Variants in KIF13B observed in about 807,000 individuals in gnomAD.
KIF13B encodes the protein kinesin-like protein KIF13B.
A neutral mutation model predicts 222.0 loss-of-function variants in KIF13B; 127 were observed. That is an observed-to-expected ratio of 0.57 (90% CI 0.50 to 0.66). KIF13B has a LOEUF of 0.66. Among genes scored for constraint, KIF13B ranks in the 30% least tolerant of loss-of-function variants. The probability of loss-of-function intolerance (pLI) is 0.00; values close to 1 mark genes in which losing one functional copy is unlikely to be tolerated. For missense variants in KIF13B, 2,173 were observed against 2,379.0 expected, an observed-to-expected ratio of 0.91 and a Z score of 1.80; for synonymous variants, 976 against 919.0, an observed-to-expected ratio of 1.06 and a Z score of -1.12.
intron 2 of KIF13B, among the ~76,000 whole-genome samples, chr8:29,228,472 A>AAAAAAAAAAATATATATATATATATATAT: frequency 8.5e-6 from 1 of 117,082 alleles, no homozygotes; most frequent in African/African-American, 3.3e-5. Flanking sequence ...ATCTTAAAAA[A>AAAAAAAAAAATATATATATATATATATAT]ATATATATAT....
intron 1 of KIF13B, among the ~76,000 whole-genome samples, chr8:29,257,966 A>C (rs1400291826): frequency 6.6e-6 from 1 of 152,244 alleles, no homozygotes; most frequent in African/African-American, 2.4e-5. Context: ...CAGTAGAAAC[A>C]AAACAATGTT....
At chr8:29,154,506 T>C (rs1237863570) in intron 14 of KIF13B, among the ~76,000 whole-genome samples, 4 of 152,182 alleles carry the variant, frequency 2.6e-5, no homozygotes, top group Non-Finnish European at 4.4e-5. Flanking sequence ...GTTCCACATA[T>C]GCTGGGTACT....
chr8:29,226,539 C>T, intron 2 of KIF13B, among the ~76,000 whole-genome samples: 1 of 152,142 alleles, frequency 6.6e-6, no homozygotes, highest in East Asian at 1.9e-4. Context: ...CAGACACTCA[C>T]CCATCCAACC....
intron 2 of KIF13B, among the ~76,000 whole-genome samples, chr8:29,206,304 T>C (rs1234035958): frequency 1.3e-5 from 2 of 152,208 alleles, no homozygotes; most frequent in African/African-American, 2.4e-5. Flanking sequence ...TTGAAGTGCA[T>C]GGCACACGTA....
intron 2 of KIF13B, chr8:29,219,010 T>G (rs1814618644): frequency 6.6e-6 from 1 of 152,208 alleles, no homozygotes; most frequent in South Asian, 2.1e-4. Flanking sequence ...TAAGAAGTGC[T>G]CAGGAGTTGG....
At chr8:29,157,970 T>C (rs1811612387) in intron 13 of KIF13B, among the ~76,000 whole-genome samples, 2 of 152,096 alleles carry the variant, frequency 1.3e-5, no homozygotes, top group African/African-American at 2.4e-5. Context: ...ACACTCACCA[T>C]CTTCCCCTCA....
At chr8:29,192,588 T>C (rs569056206) in intron 3 of KIF13B, among the ~76,000 whole-genome samples, 3 of 152,210 alleles carry the variant, frequency 2.0e-5, no homozygotes, top group Non-Finnish European at 4.4e-5. Context: ...ATTCGCACAT[T>C]CTAAAATATT....
chr8:29,223,010 T>TTA (rs1163976859), intron 2 of KIF13B, among the ~76,000 whole-genome samples: 3 of 152,090 alleles, frequency 2.0e-5, no homozygotes, highest in Non-Finnish European at 2.9e-5. Context: ...AAAATTGATT[T>TTA]TATATATATA....
intron 4 of KIF13B, chr8:29,189,195 A>G (rs1174017709): frequency 6.6e-6 from 1 of 152,244 alleles, no homozygotes; most frequent in African/African-American, 2.4e-5. Flanking sequence ...TGAATCTGAC[A>G]AGTCACCCTA....
intron 2 of KIF13B, among the ~76,000 whole-genome samples, chr8:29,200,163 T>C (rs562371338): frequency 5.5e-4 from 84 of 152,160 alleles, no homozygotes; most frequent in Non-Finnish European, 1.0e-3. Flanking sequence ...CTGATGGCTA[T>C]GACAGTAAAG....
intron 2 of KIF13B, among the ~76,000 whole-genome samples, chr8:29,212,627 G>T (rs546819146): frequency 3.3e-5 from 5 of 151,824 alleles, no homozygotes; most frequent in African/African-American, 1.2e-4. Flanking sequence ...TCAGTCCTTT[G>T]ACCTCTTTAA....
chr8:29,129,756 C>T (rs779154567), intron 24 of KIF13B, among the ~76,000 whole-genome samples: 1 of 152,192 alleles, frequency 6.6e-6, no homozygotes. Flanking sequence ...GTGGCCACTC[C>T]CATATTCTTC....
chr8:29,092,256 GC>G, intron 37 of KIF13B, among the ~76,000 whole-genome samples: 1 of 152,298 alleles, frequency 6.6e-6, no homozygotes, highest in East Asian at 1.9e-4. Context: ...TTACCCTAGA[GC>G]TGGGTAAAGA....
intron 37 of KIF13B, among the ~76,000 whole-genome samples, chr8:29,083,890 C>T (rs1297442114): frequency 6.6e-6 from 1 of 152,006 alleles, no homozygotes; most frequent in African/African-American, 2.4e-5. Context: ...AAAATGAAGG[C>T]TGGGAACAAG....
In KIF13B at chr8:29,260,965, A is replaced by C. The variant is rs899197609; in HGVS notation, c.55+2015T>G. The stretch of plus-strand genomic sequence containing the variant: ...CTTTGGACACCAATTTTTAAAAATC[A>C]CTGGATTTACAATCCCACCACACTG... On this transcript the variant is annotated intron_variant, in intron 1 of 39. Transcript: ENST00000524189. Among the ~76,000 whole-genome samples the C allele has an allele frequency of 5.3e-5, 8 of 152,216 alleles. No individual in the cohort carries two copies. The East Asian group carries it at 1.5e-3, about 29-fold the overall frequency.
intron 37 of KIF13B, among the ~76,000 whole-genome samples, chr8:29,083,926 G>GT (rs1807924041): frequency 6.6e-6 from 1 of 152,018 alleles, no homozygotes; most frequent in African/African-American, 2.4e-5. Flanking sequence ...TTGTTTGTTT[G>GT]TTTTTTAAGA....
intron 10 of KIF13B, among the ~76,000 whole-genome samples, chr8:29,173,557 G>A (rs1175994216): frequency 6.6e-6 from 1 of 151,572 alleles, no homozygotes; most frequent in Non-Finnish European, 1.5e-5. Flanking sequence ...AGGAGTTCCA[G>A]ACTGTAGTGA....
intron 37 of KIF13B, among the ~76,000 whole-genome samples, chr8:29,087,059 T>C (rs866770598): frequency 3.9e-5 from 6 of 152,222 alleles, no homozygotes; most frequent in Admixed American, 1.3e-4. Flanking sequence ...CCAGCCACCG[T>C]CATCAACATC....
rs374887757 is a variant in KIF13B at position 29,113,223 on chromosome 8, G to A, written c.3930+240C>T. On this transcript the variant is annotated intron_variant, in intron 32 of 39. Coordinates refer to ENST00000524189, the MANE Select transcript of KIF13B (RefSeq NM_015254.4). Reference sequence around the variant, plus strand: ...ATGTTTCTCTTCTGTCACCTTCTGCGTAAGAAGGTGTTGATTTGCTTTTCA... The same window carrying A: ...ATGTTTCTCTTCTGTCACCTTCTGCATAAGAAGGTGTTGATTTGCTTTTCA... Among the ~76,000 whole-genome samples the A allele has an allele frequency of 7.9e-5, 12 of 152,258 alleles. 1 individual carries two copies. In the South Asian group the frequency reaches 2.3e-3, roughly 29 times the overall value.
Sources: allele counts gnomAD v4.1 joint callset (sites outside exome capture counted in the v4.1 genomes callset), GRCh38; gene constraint gnomAD v4.1.1; transcripts MANE v1.5; gene names NCBI Gene and HGNC (gene_info 2026-07-23, HGNC 2026-07-21).